The following SCUBE2 variants were observed in gnomAD, a reference collection of about 807,000 sequenced individuals.
SCUBE2 encodes the protein signal peptide, CUB domain and EGF like domain containing 2.
In SCUBE2, 114 loss-of-function variants were observed where a neutral mutation model predicts 125.9. The observed-to-expected ratio is 0.91, with a 90% confidence interval of 0.78 to 1.06. SCUBE2 has a LOEUF of 1.06. SCUBE2 is among the 50% of genes least tolerant of loss of function. The probability of loss-of-function intolerance (pLI) is 0.00; values close to 1 mark genes in which losing one functional copy is unlikely to be tolerated. For missense variants in SCUBE2, 1,255 were observed against 1,301.8 expected, an observed-to-expected ratio of 0.96 and a Z score of 0.55; for synonymous variants, 459 against 492.9, an observed-to-expected ratio of 0.93 and a Z score of 0.91.
intron 10 of SCUBE2, among the ~76,000 whole-genome samples, chr11:9,054,725 A>ATATATATTTTT (rs1368153935): frequency 4.5e-5 from 1 of 22,348 alleles, no homozygotes; most frequent in Non-Finnish European, 7.1e-5. Flanking sequence ...ATATATATAT[A>ATATATATTTTT]TTTTTTTTTT....
chr11:9,050,517 C>T, intron 14 of SCUBE2, 89 bp downstream of exon 14: 4 of 976,892 alleles, frequency 4.1e-6, no homozygotes, highest in Non-Finnish European at 6.6e-6. Flanking sequence ...CTGGACAGCC[C>T]CTGGCCCCCA....
At chr11:9,028,126 A>G (rs1342471739) in intron 19 of SCUBE2, among the ~76,000 whole-genome samples, 1 of 152,104 alleles carries the variant, frequency 6.6e-6, no homozygotes, top group Non-Finnish European at 1.5e-5. Flanking sequence ...ATCATGGCTC[A>G]CTGCGCCCTT....
chr11:9,047,486 G>T lies in SCUBE2; in HGVS notation c.1872C>A (p.Ala624=), dbSNP rs756050214. ...LRKAIRTLRK[A]VHREQFHLQL... The stretch of plus-strand genomic sequence containing the variant: ...GGAGGTGAAACTGCTCCCTGTGGAC[G>T]GCCTTTCTGAGCGTGCGGATGGCTT... Residue 624 remains alanine, a synonymous_variant, in exon 16 of 23, where the codon GCC becomes GCA. Transcript: ENST00000649792. 3.3e-5 allele frequency: 53 copies of T among 1,613,808 alleles called. No homozygotes were observed. In the South Asian group the frequency reaches 3.4e-4, roughly 10 times the overall value.
chr11:9,083,740 C>T (rs1386481746), intron 2 of SCUBE2, among the ~76,000 whole-genome samples: 1 of 151,976 alleles, frequency 6.6e-6, no homozygotes, highest in Non-Finnish European at 1.5e-5. Flanking sequence ...CGGGGTTTCA[C>T]TATCTTGGCC....
At position 9,025,792 on chromosome 11, in the gene SCUBE2, TG is replaced by T. The variant is rs1257870651; in HGVS notation, c.2763del (p.Phe921LeufsTer28). On this transcript the variant is annotated frameshift_variant, in exon 21 of 23. Transcript: ENST00000649792. LOFTEE classifies it high-confidence loss of function. Reference sequence around the variant, plus strand: ...ATCCACAGCTTCTTTGACCTGGAGGTGAAGGCGATGGGGCGTTCGTAGGTCT... The same window carrying T: ...ATCCACAGCTTCTTTGACCTGGAGGTAAGGCGATGGGGCGTTCGTAGGTCT... Reference protein sequence around the residue: ...TCQTYERPIAFTSRSKKLWIQ... With the variant: ...TCQTYERPIAXTSRSKKLWIQ... 5 of 1,614,042 alleles carry T rather than the reference TG, an allele frequency of 3.1e-6. No individual in the cohort carries two copies. The highest frequency in any genetic ancestry group is 4.2e-6 in the Non-Finnish European group (5 of 1,180,028).
In SCUBE2 at chr11:9,021,068, T is replaced by C. The variant is rs760538559; in HGVS notation, c.3064A>G (p.Arg1022Gly). Residue 1022 changes from arginine (R) to glycine (G), a missense_variant, in exon 23 of 23, where the codon AGG (arginine) becomes GGG (glycine). By Grantham distance (125) the Arg-to-Gly change is moderately radical. Coordinates refer to ENST00000649792, the MANE Select transcript of SCUBE2 (RefSeq NM_001367977.2). ...FIRLLRSKVS[R>G]FLRPYK ...AGTCATTTGTAAGGTCTCAAAAACC[T>C]GGACACTTTGGAACGTAGCAATCGG... is the stretch of plus-strand genomic sequence containing the variant. The C allele has an allele frequency of 2.5e-6, 4 of 1,613,654 alleles. No homozygotes were observed. Among genetic ancestry groups the C allele is most frequent in the East Asian group, 4.5e-5 (2 of 44,854 alleles).
chr11:9,039,281 C>T (rs553066056), intron 16 of SCUBE2, among the ~76,000 whole-genome samples: 9 of 152,090 alleles, frequency 5.9e-5, no homozygotes, highest in African/African-American at 9.6e-5. Context: ...GTAATAATAA[C>T]GGAGGAGGAG....
At chr11:9,079,292 C>A in intron 3 of SCUBE2, 92 bp downstream of exon 3, 1 of 1,471,816 alleles carries the variant, frequency 6.8e-7, no homozygotes, top group South Asian at 1.3e-5. Flanking sequence ...AGGCTCTGAG[C>A]CCGTTTTTGT....
At chr11:9,030,080 A>G (rs1190954885) in intron 18 of SCUBE2, 35 bp from the exon 19 acceptor site, 7 of 1,595,536 alleles carry the variant, frequency 4.4e-6, no homozygotes, top group Non-Finnish European at 6.0e-6. Flanking sequence ...GAATGAAAAA[A>G]AGAAAGATTA....
chr11:9,021,029 T>A lies in SCUBE2; in HGVS notation c.*16A>T. 6.2e-7 allele frequency: 1 copy of A among 1,608,738 alleles called. No homozygotes were observed. Among genetic ancestry groups the A allele is most frequent in the Non-Finnish European group, 8.5e-7 (1 of 1,177,972 alleles). On this transcript the variant is annotated 3_prime_UTR_variant, in exon 23 of 23. Coordinates refer to ENST00000649792, the MANE Select transcript of SCUBE2 (RefSeq NM_001367977.2). ...CCTATAGCAGAACATTTGTATTGAGTGGCACGTGGGCTGAGTCATTTGTAA... is the reference window on the plus strand; with the variant it reads ...CCTATAGCAGAACATTTGTATTGAGAGGCACGTGGGCTGAGTCATTTGTAA...
rs144862447 is a variant in SCUBE2 at position 9,082,983 on chromosome 11, T to C, written c.257-3474A>G. Among the ~76,000 whole-genome samples, 17 of 113,228 alleles carry C rather than the reference T, an allele frequency of 1.5e-4. No individual in the cohort carries two copies. In the East Asian group the frequency reaches 6.6e-3, roughly 44 times the overall value. 74.3% of individuals were successfully genotyped at this position (113,228 alleles called of 152,430 possible). A position where few individuals can be genotyped will look rare whatever the true frequency, so the allele number is the denominator to read the frequency against. ...GTATGTTAATTACACCTCAGTAAAG[T>C]TGTTAAAAAGTTGCAACTTTTCTGA... is the stretch of plus-strand genomic sequence containing the variant. On this transcript the variant is annotated intron_variant, in intron 2 of 22. Coordinates refer to ENST00000649792, the MANE Select transcript of SCUBE2 (RefSeq NM_001367977.2).
intron 16 of SCUBE2, among the ~76,000 whole-genome samples, chr11:9,039,442 A>G (rs1368817076): frequency 6.6e-6 from 1 of 152,134 alleles, no homozygotes; most frequent in Non-Finnish European, 1.5e-5. Context: ...CCTTACTGAG[A>G]TGCTGGTTTG....
chr11:9,084,263 A>G (rs1861884261), intron 2 of SCUBE2, among the ~76,000 whole-genome samples: 1 of 152,240 alleles, frequency 6.6e-6, no homozygotes, highest in African/African-American at 2.4e-5. Context: ...TATAGATGTA[A>G]TAAAGTAAAT....
Position 9,069,470 on chromosome 11 carries a change from A to G in SCUBE2, c.543T>C (p.Asp181=), listed in dbSNP as rs917911724. The change falls in exon 5 of 23, where the codon GAT becomes GAC. Residue 181 remains aspartate, a synonymous_variant. Coordinates refer to ENST00000649792, the MANE Select transcript of SCUBE2 (RefSeq NM_001367977.2). ...CCTTGCAGATGTGACTACAGCCGTG[A>G]TCCTTATTCATGCAGCTCAGGCCCT... The part of the protein sequence containing the change: ...SEEGLSCMNK[D]HGCSHICKEA... 9.3e-6 allele frequency: 15 copies of G among 1,614,092 alleles called. No individual in the cohort carries two copies. The South Asian group carries it at 1.5e-4, about 17-fold the overall frequency.
At chr11:9,026,423 C>CTTTG (rs146316603) in intron 20 of SCUBE2, 5,225 of 154,078 alleles carry the variant, frequency 0.034, 228 homozygotes, top group African/African-American at 0.1. Context: ...CATCATCATT[C>CTTTG]TTTGTTTGTT....
chr11:9,076,526 CA>C (rs1433478441), intron 3 of SCUBE2, among the ~76,000 whole-genome samples: 1 of 151,732 alleles, frequency 6.6e-6, no homozygotes, highest in Non-Finnish European at 1.5e-5. Flanking sequence ...CATGAACAAA[CA>C]AGCAGGAGAG....
intron 10 of SCUBE2, 40 bp from the exon 11 acceptor site, chr11:9,053,799 C>G (rs900446985): frequency 1.3e-6 from 2 of 1,597,908 alleles, no homozygotes; most frequent in Non-Finnish European, 1.7e-6. Context: ...CAGCCTGTCA[C>G]TGAATGGGCT....
intron 16 of SCUBE2, among the ~76,000 whole-genome samples, chr11:9,035,322 A>G (rs1471134494): frequency 1.3e-5 from 2 of 152,244 alleles, no homozygotes; most frequent in African/African-American, 4.8e-5. Flanking sequence ...ACAGAGACTT[A>G]GAGAGGTTAA....
rs766554646 is a variant in SCUBE2, at chr11:9,066,668, C to T, written c.760+29G>A. 3.8e-6 allele frequency: 6 copies of T among 1,565,006 alleles called. No homozygotes were observed. In the Admixed American group the frequency reaches 1.0e-4, roughly 26 times the overall value. On this transcript the variant is annotated intron_variant, in intron 6 of 22. Transcript: ENST00000649792. ...TAGGGACAGGCAGGCTGGTGCAGAC[C>T]CTCACTCAGTGTTGGGGTTGCCACT...
Sources: gnomAD v4.1 joint callset for allele counts (sites outside exome capture counted in the v4.1 genomes callset) on GRCh38, gnomAD v4.1.1 for gene constraint, MANE v1.5 for transcripts, NCBI Gene and HGNC (gene_info 2026-07-23, HGNC 2026-07-21) for gene names.